CNTN5: variants seen among roughly 807,000 people sequenced by gnomAD.
CNTN5 encodes contactin-5.
In CNTN5, 77 loss-of-function variants were observed where a neutral mutation model predicts 129.1. The ratio of observed to expected loss-of-function variants is 0.60; its 90% CI spans 0.50 to 0.72. The LOEUF (loss-of-function observed/expected upper bound fraction) is 0.72. CNTN5 is among the 30% of genes least tolerant of loss of function. CNTN5 has a pLI of 0.00. For missense variants in CNTN5, 1,478 were observed against 1,328.8 expected (o/e 1.11, Z -1.75); for synonymous variants, 509 against 465.6 (o/e 1.09, Z -1.20).
intron 6 of CNTN5, among the ~76,000 whole-genome samples, chr11:99,856,092 G>A (rs894424378): frequency 8.5e-5 from 13 of 152,106 alleles, no homozygotes; most frequent in African/African-American, 2.9e-4. Flanking sequence ...AATTACCTAC[G>A]TGTTGTGCAG....
At chr11:99,285,410 A>G (rs1276783457) in intron 1 of CNTN5, among the ~76,000 whole-genome samples, 1 of 152,114 alleles carries the variant, frequency 6.6e-6, no homozygotes, top group Non-Finnish European at 1.5e-5. Context: ...ATACAGCAGG[A>G]ATCCTGTGAG....
At chr11:99,897,938 G>T (rs546523073) in intron 6 of CNTN5, among the ~76,000 whole-genome samples, 4 of 152,054 alleles carry the variant, frequency 2.6e-5, no homozygotes, top group Non-Finnish European at 5.9e-5. Context: ...CAAAGTAAAT[G>T]GTTGGAGAAA....
chr11:99,988,805 A>T (rs1353539195), intron 8 of CNTN5, among the ~76,000 whole-genome samples: 1 of 151,640 alleles, frequency 6.6e-6, no homozygotes, highest in Non-Finnish European at 1.5e-5. Context: ...CTTATCCTCC[A>T]CTTTGAAAAT....
chr11:100,033,307 A>T (rs1352299866), intron 9 of CNTN5, among the ~76,000 whole-genome samples: 4 of 152,194 alleles, frequency 2.6e-5, no homozygotes, highest in African/African-American at 9.7e-5. Flanking sequence ...ACAGAGTAAA[A>T]TAAGGGAGAT....
At chr11:100,082,473 G>T (rs1398707200) in intron 13 of CNTN5, among the ~76,000 whole-genome samples, 1 of 151,972 alleles carries the variant, frequency 6.6e-6, no homozygotes, top group Non-Finnish European at 1.5e-5. Flanking sequence ...ATTTGTTTTG[G>T]TAGAGATGGG....
chr11:99,769,635 G>A (rs753452387), intron 3 of CNTN5, among the ~76,000 whole-genome samples: 1 of 151,978 alleles, frequency 6.6e-6, no homozygotes, highest in African/African-American at 2.4e-5. Flanking sequence ...TGAAGAGTTG[G>A]AGAGCAGCCT....
At chr11:99,839,780 A>G (rs996373485) in intron 4 of CNTN5, among the ~76,000 whole-genome samples, 1 of 152,106 alleles carries the variant, frequency 6.6e-6, no homozygotes, top group African/African-American at 2.4e-5. Flanking sequence ...ATATATTTGC[A>G]CCTAATTAGA....
At chr11:99,913,956 T>C in intron 6 of CNTN5, among the ~76,000 whole-genome samples, 1 of 152,056 alleles carries the variant, frequency 6.6e-6, no homozygotes, top group East Asian at 1.9e-4. Context: ...ACATAATCCC[T>C]AGAGATATTA....
chr11:99,961,971 TATAG>T (rs1950958290), intron 8 of CNTN5, among the ~76,000 whole-genome samples: 1 of 146,242 alleles, frequency 6.8e-6, no homozygotes, highest in Non-Finnish European at 1.5e-5. Flanking sequence ...TAGAGAGACA[TATAG>T]ATAGATATAG....
At chr11:99,454,296 C>A (rs1944414450) in intron 2 of CNTN5, among the ~76,000 whole-genome samples, 1 of 152,088 alleles carries the variant, frequency 6.6e-6, no homozygotes, top group Admixed American at 6.6e-5. Context: ...TTTGTGTTCC[C>A]ACCCAAATCT....
intron 2 of CNTN5, among the ~76,000 whole-genome samples, chr11:99,497,006 A>G (rs1946251591): frequency 6.6e-6 from 1 of 152,210 alleles, no homozygotes; most frequent in East Asian, 1.9e-4. Context: ...TTTTATTCTC[A>G]TAGAGCTTAA....
chr11:99,153,273 A>T (rs1565359863), intron 1 of CNTN5, among the ~76,000 whole-genome samples: 2 of 152,228 alleles, frequency 1.3e-5, no homozygotes, highest in East Asian at 3.9e-4. Flanking sequence ...CTTTCAGTGA[A>T]TTGTAGATTT....
At chr11:99,805,160 G>T (rs953893195) in intron 3 of CNTN5, among the ~76,000 whole-genome samples, 9 of 152,158 alleles carry the variant, frequency 5.9e-5, no homozygotes, top group African/African-American at 1.9e-4. Context: ...CCTGTAACAT[G>T]ATCAGAAACA....
intron 1 of CNTN5, among the ~76,000 whole-genome samples, chr11:99,248,974 G>C (rs779301725): frequency 6.6e-6 from 1 of 151,950 alleles, no homozygotes; most frequent in Non-Finnish European, 1.5e-5. Context: ...ATATGAACTT[G>C]AAAGTAGTTT....
At chr11:99,506,853 A>C (rs1173073744) in intron 2 of CNTN5, among the ~76,000 whole-genome samples, 8 of 152,170 alleles carry the variant, frequency 5.3e-5, no homozygotes, top group Admixed American at 4.6e-4. Context: ...AAATGCCCAA[A>C]ATGAAGTAAT....
chr11:99,407,141 C>T (rs1942110119), intron 2 of CNTN5, among the ~76,000 whole-genome samples: 1 of 152,082 alleles, frequency 6.6e-6, no homozygotes, highest in Non-Finnish European at 1.5e-5. Context: ...CCATAGCCAC[C>T]ACATCTGGGA....
intron 1 of CNTN5, among the ~76,000 whole-genome samples, chr11:99,034,001 G>A (rs987876131): frequency 1.3e-5 from 2 of 151,948 alleles, no homozygotes; most frequent in Non-Finnish European, 2.9e-5. Context: ...TTTGTCAAAG[G>A]CCTTTTCTGC....
intron 10 of CNTN5, among the ~76,000 whole-genome samples, chr11:100,064,855 G>T (rs1943634231): frequency 1.3e-5 from 2 of 152,042 alleles, no homozygotes; most frequent in African/African-American, 4.8e-5. Context: ...TAACTGAAGG[G>T]GGAAAGATGG....
intron 2 of CNTN5, among the ~76,000 whole-genome samples, chr11:99,377,339 T>A (rs1218578685): frequency 2.0e-5 from 3 of 152,138 alleles, no homozygotes; most frequent in Non-Finnish European, 4.4e-5. Flanking sequence ...TGTCACAGAA[T>A]GTTTTGCCTT....
Sources: gnomAD v4.1 joint callset for allele counts (sites outside exome capture counted in the v4.1 genomes callset) on GRCh38, gnomAD v4.1.1 for gene constraint, MANE v1.5 for transcripts, NCBI Gene and HGNC (gene_info 2026-07-23, HGNC 2026-07-21) for gene names.